Variants in FRMD4A observed in about 807,000 individuals in gnomAD.
The protein encoded by FRMD4A is FERM domain containing 4A.
A neutral mutation model predicts 129.1 loss-of-function variants in FRMD4A; 29 were observed. The observed-to-expected ratio is 0.22, with a 90% confidence interval of 0.17 to 0.31. The LOEUF (loss-of-function observed/expected upper bound fraction) is 0.31. Among genes scored for constraint, FRMD4A ranks in the 10% least tolerant of loss-of-function variants. The pLI is 1.00. For missense variants in FRMD4A, 1,272 were observed against 1,375.8 expected, an observed-to-expected ratio of 0.92 and a Z score of 1.19; for synonymous variants, 634 against 571.6, an observed-to-expected ratio of 1.11 and a Z score of -1.56.
At chr10:13,765,971 A>G (rs934287538) in intron 6 of FRMD4A, among the ~76,000 whole-genome samples, 1 of 152,214 alleles carries the variant, frequency 6.6e-6, no homozygotes, top group Non-Finnish European at 1.5e-5. Context: ...AATATTTAAC[A>G]TCTGCTGAGA....
intron 2 of FRMD4A, among the ~76,000 whole-genome samples, chr10:14,304,453 C>T (rs1042744065): frequency 6.6e-6 from 1 of 152,176 alleles, no homozygotes; most frequent in Non-Finnish European, 1.5e-5. Context: ...TTATAGGCAG[C>T]GTCTCCTGAT....
chr10:13,822,063 A>G (rs1349282530), intron 3 of FRMD4A, among the ~76,000 whole-genome samples: 2 of 152,206 alleles, frequency 1.3e-5, no homozygotes, highest in African/African-American at 4.8e-5. Flanking sequence ...ATATATATAT[A>G]CATACACACA....
chr10:14,049,363 T>A (rs1196797114), intron 2 of FRMD4A, among the ~76,000 whole-genome samples: 1 of 151,988 alleles, frequency 6.6e-6, no homozygotes, highest in African/African-American at 2.4e-5. Context: ...TCCAAACAGG[T>A]TGAGAACAGG....
At chr10:14,108,277 C>T (rs10796155) in intron 2 of FRMD4A, among the ~76,000 whole-genome samples, 95,075 of 152,068 alleles carry the variant, frequency 0.63, 29,918 homozygotes, top group East Asian at 0.78. Context: ...TATGCATCAT[C>T]ACTTAGCCTT....
chr10:14,064,815 T>C (rs1312211331), intron 2 of FRMD4A, among the ~76,000 whole-genome samples: 1 of 152,132 alleles, frequency 6.6e-6, no homozygotes, highest in African/African-American at 2.4e-5. Flanking sequence ...TGATCTCAGG[T>C]GATCCACCTG....
chr10:14,055,020 T>G (rs1218608532), intron 2 of FRMD4A, among the ~76,000 whole-genome samples: 1 of 152,088 alleles, frequency 6.6e-6, no homozygotes, highest in East Asian at 1.9e-4. Context: ...AGTGTGAGAA[T>G]GGACGCAAGA....
chr10:13,800,532 G>A (rs1410406954), intron 4 of FRMD4A, among the ~76,000 whole-genome samples: 1 of 148,358 alleles, frequency 6.7e-6, no homozygotes, highest in Non-Finnish European at 1.5e-5. Context: ...AGGAGGACCT[G>A]AGAGAGAGAG....
At chr10:14,175,107 T>C (rs1019536027) in intron 2 of FRMD4A, among the ~76,000 whole-genome samples, 2 of 152,190 alleles carry the variant, frequency 1.3e-5, no homozygotes, top group Admixed American at 6.5e-5. Flanking sequence ...GAATTTTCTC[T>C]GTGAGAATAA....
chr10:13,891,318 C>A (rs1223942872), intron 2 of FRMD4A, among the ~76,000 whole-genome samples: 2 of 152,216 alleles, frequency 1.3e-5, no homozygotes, highest in African/African-American at 4.8e-5. Context: ...AAAGCCTACA[C>A]AGCTCTGCCT....
chr10:13,663,834 T>C (rs934337965), intron 18 of FRMD4A, among the ~76,000 whole-genome samples: 4 of 152,212 alleles, frequency 2.6e-5, no homozygotes, highest in South Asian at 2.1e-4. Context: ...AACCACATCA[T>C]TGTCCCTGCA....
At chr10:13,724,705 G>T (rs1160214528) in intron 12 of FRMD4A, among the ~76,000 whole-genome samples, 1 of 152,158 alleles carries the variant, frequency 6.6e-6, no homozygotes, top group East Asian at 1.9e-4. Flanking sequence ...ATCTGGCTGG[G>T]TGTTTATTTG....
chr10:14,245,817 G>A (rs1409146679), intron 2 of FRMD4A, among the ~76,000 whole-genome samples: 1 of 152,096 alleles, frequency 6.6e-6, no homozygotes, highest in Non-Finnish European at 1.5e-5. Flanking sequence ...AGTTTTTGTT[G>A]TTTAACCCTC....
At chr10:13,738,202 A>G (rs975804852) in intron 11 of FRMD4A, among the ~76,000 whole-genome samples, 3 of 152,080 alleles carry the variant, frequency 2.0e-5, no homozygotes, top group Non-Finnish European at 4.4e-5. Context: ...CTTTATAAAT[A>G]AGGAATGAAT....
chr10:13,976,330 T>C (rs2095541988), intron 2 of FRMD4A, among the ~76,000 whole-genome samples: 1 of 152,134 alleles, frequency 6.6e-6, no homozygotes, highest in Non-Finnish European at 1.5e-5. Flanking sequence ...GAGGCAGGTG[T>C]TGCTGATGCC....
chr10:13,689,549 CT>C (rs34800095), intron 15 of FRMD4A, among the ~76,000 whole-genome samples: 10,028 of 128,542 alleles, frequency 0.078, 406 homozygotes, highest in South Asian at 0.12. Flanking sequence ...TTAGAAGATT[CT>C]TTTTTTTTTT....
intron 2 of FRMD4A, among the ~76,000 whole-genome samples, chr10:14,197,794 C>T (rs183131897): frequency 2.6e-5 from 4 of 152,372 alleles, no homozygotes; most frequent in East Asian, 1.9e-4. Context: ...AATGCCTAGA[C>T]GTTTGTCCAT....
At chr10:13,791,143 G>C (rs1409509024) in intron 5 of FRMD4A, among the ~76,000 whole-genome samples, 8 of 152,168 alleles carry the variant, frequency 5.3e-5, no homozygotes, top group Non-Finnish European at 1.0e-4. Flanking sequence ...AGGACTAGGA[G>C]CTCCCTGGTG....
chr10:14,050,346 C>A (rs1321975339), intron 2 of FRMD4A, among the ~76,000 whole-genome samples: 1 of 152,136 alleles, frequency 6.6e-6, no homozygotes, highest in African/African-American at 2.4e-5. Flanking sequence ...CCCCATTTTG[C>A]AGATGGTAAA....
intron 2 of FRMD4A, among the ~76,000 whole-genome samples, chr10:14,124,765 A>G (rs1838736545): frequency 6.6e-6 from 1 of 152,180 alleles, no homozygotes; most frequent in African/African-American, 2.4e-5. Context: ...CAAGATTGCA[A>G]CCCAGGGGTG....
Sources: gnomAD v4.1 joint callset for allele counts (sites outside exome capture counted in the v4.1 genomes callset) on GRCh38, gnomAD v4.1.1 for gene constraint, MANE v1.5 for transcripts, NCBI Gene and HGNC (gene_info 2026-07-23, HGNC 2026-07-21) for gene names.